The following TFEC variants were observed in gnomAD, a reference collection of about 807,000 sequenced individuals.
The protein encoded by TFEC is class E basic helix-loop-helix protein 34.
In TFEC, 31 loss-of-function variants were observed where a neutral mutation model predicts 41.6. The observed-to-expected ratio is 0.74, with a 90% confidence interval of 0.56 to 1.01. The LOEUF is 1.01. Among genes scored for constraint, TFEC ranks in the 50% least tolerant of loss-of-function variants. TFEC has a pLI of 0.00. For missense variants in TFEC, 402 were observed against 404.1 expected (o/e 0.99, Z 0.04); for synonymous variants, 143 against 140.6 (o/e 1.02, Z -0.12).
intron 1 of TFEC, among the ~76,000 whole-genome samples, chr7:116,029,904 C>A (rs1368519891): frequency 4.8e-5 from 7 of 146,656 alleles, no homozygotes; most frequent in Admixed American, 6.8e-5. Context: ...ACTAAAGATA[C>A]AAAAAAAAAA....
intron 3 of TFEC, among the ~76,000 whole-genome samples, chr7:116,064,131 T>C (rs1382524528): frequency 1.3e-5 from 2 of 152,046 alleles, no homozygotes; most frequent in Non-Finnish European, 2.9e-5. Flanking sequence ...TTCAGCTAGA[T>C]AGGAAAAATA....
chr7:116,098,820 C>A (rs535037893), intron 3 of TFEC, among the ~76,000 whole-genome samples: 2 of 124,254 alleles, frequency 1.6e-5, no homozygotes, highest in East Asian at 4.6e-4. Flanking sequence ...CAAAACCAGA[C>A]AAAAACAAAA....
rs974518562 is a variant in TFEC, at chr7:116,003,685, C to T, written c.-72-19172G>A. Among the ~76,000 whole-genome samples, 4 of 152,088 alleles carry T rather than the reference C, an allele frequency of 2.6e-5. No individual in the cohort carries two copies. In the East Asian group the frequency reaches 5.8e-4, roughly 22 times the overall value. ...TATTTACCACCACCAACAGGATACA[C>T]ATTTTTCTCAAGCTCTCATGGAATA... On this transcript the variant is annotated intron_variant, in intron 1 of 7. Coordinates refer to ENST00000265440, the MANE Select transcript of TFEC (RefSeq NM_012252.4).
At chr7:116,115,236 A>G (rs995482712) in intron 1 of TFEC, among the ~76,000 whole-genome samples, 1 of 151,990 alleles carries the variant, frequency 6.6e-6, no homozygotes, top group African/African-American at 2.4e-5. Flanking sequence ...ACAGTTTTGG[A>G]TACAAACTAC....
rs1681854792 is a variant in TFEC, at chr7:115,937,550, C to T, written c.*3001G>A. Reference sequence around the variant, plus strand: ...ATAACACTCAGTAATTATAGTGAAACTGACCCATATATAATAAATAGAAGG... The same window carrying T: ...ATAACACTCAGTAATTATAGTGAAATTGACCCATATATAATAAATAGAAGG... On this transcript the variant is annotated 3_prime_UTR_variant, in exon 8 of 8. Coordinates refer to ENST00000265440, the MANE Select transcript of TFEC (RefSeq NM_012252.4). 6.6e-6 allele frequency: 1 copy of T among 151,730 alleles called. No individual in the cohort carries two copies. Among genetic ancestry groups the T allele is most frequent in the Non-Finnish European group, 1.5e-5 (1 of 67,774 alleles). The allele number at this position is 151,730 out of a possible 1,614,324, so 9.4% of individuals were successfully genotyped here.
intron 3 of TFEC, among the ~76,000 whole-genome samples, chr7:116,067,847 T>G (rs1524470): frequency 6.6e-6 from 1 of 151,912 alleles, no homozygotes; most frequent in Non-Finnish European, 1.5e-5. Flanking sequence ...AGTGCTTTGA[T>G]GAATTAAATT....
chr7:116,139,628 C>T (rs1282563240), intron 1 of TFEC, among the ~76,000 whole-genome samples: 1 of 152,054 alleles, frequency 6.6e-6, no homozygotes, highest in African/African-American at 2.4e-5. Context: ...TCTTAAGAAA[C>T]AGAAAACAAT....
intron 3 of TFEC, among the ~76,000 whole-genome samples, chr7:116,076,750 A>G (rs762858749): frequency 7.2e-5 from 11 of 152,138 alleles, no homozygotes; most frequent in Non-Finnish European, 1.5e-4. Flanking sequence ...TTAAAAATGA[A>G]CAAAGCCTCC....
intron 3 of TFEC, among the ~76,000 whole-genome samples, chr7:116,073,880 T>C (rs1796889005): frequency 6.6e-6 from 1 of 151,856 alleles, no homozygotes; most frequent in Non-Finnish European, 1.5e-5. Context: ...TAGACATAGA[T>C]CAATAGAATA....
intron 1 of TFEC, among the ~76,000 whole-genome samples, chr7:116,112,441 T>G (rs1283221076): frequency 6.6e-6 from 1 of 152,030 alleles, no homozygotes; most frequent in Non-Finnish European, 1.5e-5. Context: ...ATTCATTGTA[T>G]GTTATTTCTC....
chr7:115,972,791 C>G (rs59764052), intron 3 of TFEC, among the ~76,000 whole-genome samples: 1 of 151,868 alleles, frequency 6.6e-6, no homozygotes, highest in Non-Finnish European at 1.5e-5. Flanking sequence ...CTGAGTAAAC[C>G]ATTCTACAAA....
intron 3 of TFEC, among the ~76,000 whole-genome samples, chr7:116,099,923 T>C (rs1797566000): frequency 6.6e-6 from 1 of 152,222 alleles, no homozygotes; most frequent in Admixed American, 6.5e-5. Flanking sequence ...TTTAAAAGCC[T>C]TTCATAATGA....
intron 3 of TFEC, among the ~76,000 whole-genome samples, chr7:116,083,911 C>G (rs932301383): frequency 6.6e-6 from 1 of 151,832 alleles, no homozygotes; most frequent in African/African-American, 2.4e-5. Flanking sequence ...TGATAATGAA[C>G]CTGAACCCAT....
intron 3 of TFEC, among the ~76,000 whole-genome samples, chr7:116,036,770 T>G (rs988598270): frequency 2.0e-5 from 3 of 151,928 alleles, no homozygotes; most frequent in Non-Finnish European, 4.4e-5. Context: ...AAAAAGTAAT[T>G]TAATGGGATA....
At chr7:116,104,502 T>C (rs1797672263) in intron 3 of TFEC, among the ~76,000 whole-genome samples, 2 of 152,202 alleles carry the variant, frequency 1.3e-5, no homozygotes, top group Non-Finnish European at 2.9e-5. Flanking sequence ...CAGAGAGTGC[T>C]AGATACATTT....
intron 1 of TFEC, among the ~76,000 whole-genome samples, chr7:116,128,618 G>A (rs1466576759): frequency 3.3e-5 from 5 of 152,120 alleles, no homozygotes; most frequent in South Asian, 4.1e-4. Context: ...ATGATCATTT[G>A]ATCTGCACCT....
intron 3 of TFEC, among the ~76,000 whole-genome samples, chr7:116,054,905 G>A (rs1796392941): frequency 6.6e-6 from 1 of 152,080 alleles, no homozygotes; most frequent in South Asian, 2.1e-4. Flanking sequence ...GTTTTACCAA[G>A]TCAGAATTTT....
chr7:116,118,688 T>C (rs1389731964), intron 1 of TFEC, among the ~76,000 whole-genome samples: 2 of 151,818 alleles, frequency 1.3e-5, no homozygotes, highest in Admixed American at 1.3e-4. Flanking sequence ...ACAAATTCAA[T>C]AGTTGCATAT....
At chr7:116,003,766 T>TA (rs1201183470) in intron 1 of TFEC, among the ~76,000 whole-genome samples, 2 of 152,096 alleles carry the variant, frequency 1.3e-5, no homozygotes, top group Non-Finnish European at 2.9e-5. Flanking sequence ...AATTAAATTT[T>TA]AAAAAATCAT....
Sources: gnomAD v4.1 joint callset for allele counts (sites outside exome capture counted in the v4.1 genomes callset) on GRCh38, gnomAD v4.1.1 for gene constraint, MANE v1.5 for transcripts, NCBI Gene and HGNC (gene_info 2026-07-23, HGNC 2026-07-21) for gene names.